Variants in CNIH3 observed in about 807,000 individuals in gnomAD.
CNIH3 encodes the protein cornichon family AMPA receptor auxiliary protein 3, also known as protein cornichon homolog 3.
In CNIH3, 14 loss-of-function variants were observed where a neutral mutation model predicts 24.1. That is an observed-to-expected ratio of 0.58 (90% CI 0.38 to 0.91). The LOEUF is 0.91. Ranked by LOEUF, CNIH3 falls within the 40% of genes least tolerant of loss-of-function variation. The pLI is 0.00. For missense variants in CNIH3, 178 were observed against 196.8 expected (o/e 0.90, Z 0.57); for synonymous variants, 68 against 73.8 (o/e 0.92, Z 0.40).
At chr1:224,499,740 G>A (rs1457909758) in intron 1 of CNIH3, among the ~76,000 whole-genome samples, 5 of 151,630 alleles carry the variant, frequency 3.3e-5, no homozygotes, top group Non-Finnish European at 7.4e-5. Context: ...TACAATACAC[G>A]CCGTTATTTG....
Position 224,663,342 on chromosome 1 carries a change from C to T in CNIH3, c.82-17616C>T, listed in dbSNP as rs142858716. Among the ~76,000 whole-genome samples the T allele has an allele frequency of 3.7e-3, 557 of 152,256 alleles. 4 individuals carry two copies. The highest frequency in any genetic ancestry group is 0.013 in the African/African-American group (531 of 41,536). ...CAGGCCGCAATGTGGGATTGAACCT[C>T]GACCTCCCACAGCTATGTCGACGTA... is the stretch of plus-strand genomic sequence containing the variant. On this transcript the variant is annotated intron_variant, in intron 1 of 5. Coordinates refer to ENST00000272133, the MANE Select transcript of CNIH3 (RefSeq NM_152495.2).
At chr1:224,696,255 G>A (rs75043289) in intron 3 of CNIH3, among the ~76,000 whole-genome samples, 2,240 of 152,300 alleles carry the variant, frequency 0.015, 42 homozygotes, top group African/African-American at 0.038. Flanking sequence ...GCAGGATGGA[G>A]GAGGCAAGAG....
rs1471365794 is a variant in CNIH3 at position 224,739,682 on chromosome 1, A to G, written c.*326A>G. On this transcript the variant is annotated 3_prime_UTR_variant, in exon 6 of 6. Transcript: ENST00000272133. ...GAGAGAATTGCTGCTTCCTGAATCC[A>G]CTTCATTGAACAGCACCTTGCAAGT... The G allele has an allele frequency of 4.8e-6, 2 of 418,228 alleles. No homozygotes were observed. Among genetic ancestry groups the G allele is most frequent in the Non-Finnish European group, 8.4e-6 (2 of 239,020 alleles). 25.9% of individuals were successfully genotyped at this position (418,228 alleles called of 1,614,324 possible). A position where few individuals can be genotyped will look rare whatever the true frequency, so the allele number is the denominator to read the frequency against.
At chr1:224,605,362 T>C (rs542328646) in intron 3 of CNIH3, among the ~76,000 whole-genome samples, 5 of 152,286 alleles carry the variant, frequency 3.3e-5, no homozygotes, top group African/African-American at 1.2e-4. Context: ...TCTGACTCCA[T>C]CTTGCTTCTA....
intron 1 of CNIH3, among the ~76,000 whole-genome samples, chr1:224,508,790 T>C (rs916474284): frequency 3.3e-5 from 5 of 152,260 alleles, no homozygotes; most frequent in African/African-American, 1.2e-4. Flanking sequence ...TAAATGTATG[T>C]ATATATGTAT....
intron 3 of CNIH3, 184 bp from the exon 4 acceptor site, chr1:224,730,278 C>T (rs1689253152): frequency 5.4e-6 from 3 of 556,828 alleles, no homozygotes; most frequent in Non-Finnish European, 3.2e-6. Flanking sequence ...AAGAGGAGTG[C>T]CATAAAAAGA....
In CNIH3 at chr1:224,684,272, T is replaced by C. The variant is rs547153044; in HGVS notation, c.151-524T>C. ...AAAAGCCTTAGCCTGGGGGCATCAT[T>C]GTTGTCTAATTTAGTAGGGAGATTA... On this transcript the variant is annotated intron_variant, in intron 2 of 5. Coordinates refer to ENST00000272133, the MANE Select transcript of CNIH3 (RefSeq NM_152495.2). The surrounding 1 kb of genome is among the most constrained non-coding windows in gnomAD (Gnocchi z 4.2). Among the ~76,000 whole-genome samples, 22 of 152,338 alleles carry C rather than the reference T, an allele frequency of 1.4e-4. No homozygotes were observed. The highest frequency in any genetic ancestry group is 5.3e-4 in the African/African-American group (22 of 41,574).
At chr1:224,713,560 A>G (rs986626253) in intron 3 of CNIH3, among the ~76,000 whole-genome samples, 2 of 152,204 alleles carry the variant, frequency 1.3e-5, no homozygotes, top group African/African-American at 4.8e-5. Flanking sequence ...AGGGATTATA[A>G]AAGCACCTAC....
chr1:224,435,144 T>A, intron 1 of CNIH3: 1 of 985,878 alleles, frequency 1.0e-6, no homozygotes, highest in Non-Finnish European at 1.2e-6. Flanking sequence ...CATGGGCATG[T>A]AAGGTGCGCG....
intron 4 of CNIH3, chr1:224,574,307 C>G (rs1680943483): frequency 4.3e-6 from 1 of 231,628 alleles, no homozygotes; most frequent in Non-Finnish European, 8.3e-6. Context: ...TCCACTGTCA[C>G]AGTAAGTATT....
chr1:224,451,416 A>G (rs1181638875), intron 1 of CNIH3, among the ~76,000 whole-genome samples: 2 of 152,170 alleles, frequency 1.3e-5, no homozygotes, highest in African/African-American at 4.8e-5. Flanking sequence ...GTGGGTAGAT[A>G]TTGGAAACTA....
intron 1 of CNIH3, among the ~76,000 whole-genome samples, chr1:224,637,186 C>T (rs1381939768): frequency 6.6e-6 from 1 of 152,134 alleles, no homozygotes; most frequent in Non-Finnish European, 1.5e-5. Flanking sequence ...AACTCCTGAC[C>T]TCCTGATCCA....
At chr1:224,594,318 A>T (rs1303379616) in intron 3 of CNIH3, among the ~76,000 whole-genome samples, 3 of 152,148 alleles carry the variant, frequency 2.0e-5, no homozygotes, top group Admixed American at 6.5e-5. Context: ...CAGGTGTGGG[A>T]ACTGGAGCAA....
intron 3 of CNIH3, among the ~76,000 whole-genome samples, chr1:224,611,151 G>A (rs1246869734): frequency 6.6e-6 from 1 of 152,174 alleles, no homozygotes; most frequent in African/African-American, 2.4e-5. Context: ...CAGATCTCTG[G>A]AGAGGGCTTC....
At chr1:224,469,107 G>A (rs895417432) in intron 1 of CNIH3, among the ~76,000 whole-genome samples, 2 of 151,880 alleles carry the variant, frequency 1.3e-5, no homozygotes, top group African/African-American at 2.4e-5. Context: ...TTTAGACAGG[G>A]TCTTGTTCTG....
In CNIH3 at chr1:224,714,078, G is replaced by A. The variant is rs2117940; in HGVS notation, c.199-16384G>A. Among the ~76,000 whole-genome samples, 1,395 of 152,334 alleles carry A rather than the reference G, an allele frequency of 9.2e-3. 17 individuals carry two copies. The highest frequency in any genetic ancestry group is 0.029 in the African/African-American group (1,225 of 41,564). ...GATCCACCCCACTTGGCTTCCCAAA[G>A]TGCTGGGATTACAGGCGTGAGCCAC... On this transcript the variant is annotated intron_variant, in intron 3 of 5. Coordinates refer to ENST00000272133, the MANE Select transcript of CNIH3 (RefSeq NM_152495.2).
intron 4 of CNIH3, among the ~76,000 whole-genome samples, chr1:224,568,869 T>C (rs1234273058): frequency 6.6e-5 from 10 of 152,112 alleles, no homozygotes; most frequent in Admixed American, 5.9e-4. Flanking sequence ...TGAAGTTTAT[T>C]GTTCACTTTC....
chr1:224,729,616 G>A (rs937531368), intron 3 of CNIH3, among the ~76,000 whole-genome samples: 3 of 151,910 alleles, frequency 2.0e-5, no homozygotes, highest in African/African-American at 7.3e-5. Context: ...ATTTATATCT[G>A]TAGCCTTCCC....
At chr1:224,584,764 T>C (rs935915263) in intron 5 of CNIH3, among the ~76,000 whole-genome samples, 4 of 152,188 alleles carry the variant, frequency 2.6e-5, no homozygotes, top group African/African-American at 9.7e-5. Flanking sequence ...AATATTCCAG[T>C]TTGTGGCCTA....
Sources: allele counts gnomAD v4.1 joint callset (sites outside exome capture counted in the v4.1 genomes callset), GRCh38; gene constraint gnomAD v4.1.1; non-coding constraint Gnocchi (gnomAD v3.1); transcripts MANE v1.5; gene names NCBI Gene and HGNC (gene_info 2026-07-23, HGNC 2026-07-21).